Variants in SNTB1 observed in about 807,000 individuals in gnomAD.
SNTB1 encodes syntrophin beta 1.
In SNTB1, 36 loss-of-function variants were observed where a neutral mutation model predicts 48.9. The ratio of observed to expected loss-of-function variants is 0.74; its 90% CI spans 0.56 to 0.97. The LOEUF is 0.97. SNTB1 is among the 50% of genes least tolerant of loss of function. SNTB1 has a pLI of 0.00. For missense variants in SNTB1, 786 were observed against 703.4 expected (o/e 1.12, Z -1.33); for synonymous variants, 299 against 294.6 (o/e 1.01, Z -0.15).
chr8:120,548,443 C>T (rs1342478182), intron 5 of SNTB1, among the ~76,000 whole-genome samples: 1 of 152,102 alleles, frequency 6.6e-6, no homozygotes, highest in African/African-American at 2.4e-5. Flanking sequence ...TTGTTTGTAA[C>T]CAAGAGCACT....
At chr8:120,542,031 A>G (rs199618523) in intron 5 of SNTB1, 31 bp from the exon 6 acceptor site, 2 of 1,577,378 alleles carry the variant, frequency 1.3e-6, no homozygotes, top group East Asian at 4.5e-5. Flanking sequence ...AAAAGAGACA[A>G]GTATGAACCA....
rs971490349 is a variant in SNTB1 at position 120,796,635 on chromosome 8, T to C, written c.571+14638A>G. On this transcript the variant is annotated intron_variant, in intron 1 of 6. Transcript: ENST00000517992. ...GGGAAAGTGCTGATGAGGAGACTTATATTAAAGCTTCTTTTAGGGAAAGCA... is the reference window on the plus strand; with the variant it reads ...GGGAAAGTGCTGATGAGGAGACTTACATTAAAGCTTCTTTTAGGGAAAGCA... Among the ~76,000 whole-genome samples, 4 of 152,128 alleles carry C rather than the reference T, an allele frequency of 2.6e-5. No individual in the cohort carries two copies. The South Asian group carries it at 8.3e-4, about 32-fold the overall frequency.
At chr8:120,559,972 A>G (rs1815625918) in intron 4 of SNTB1, among the ~76,000 whole-genome samples, 1 of 152,068 alleles carries the variant, frequency 6.6e-6, no homozygotes, top group Non-Finnish European at 1.5e-5. Flanking sequence ...GATTGCTTAC[A>G]TGGTTCTGGC....
intron 5 of SNTB1, among the ~76,000 whole-genome samples, chr8:120,547,576 GAGCAAAA>G (rs1815404131): frequency 6.4e-5 from 7 of 109,874 alleles, no homozygotes; most frequent in Admixed American, 2.4e-4. Flanking sequence ...CAGGTGACAA[GAGCAAAA>G]CACTGTCTCA....
chr8:120,681,607 AC>A (rs112004342), intron 2 of SNTB1, among the ~76,000 whole-genome samples: 9,637 of 151,974 alleles, frequency 0.063, 992 homozygotes, highest in African/African-American at 0.22. Flanking sequence ...CCCACTATCT[AC>A]CCCCAATCCA....
At chr8:120,598,544 A>G (rs989727338) in intron 3 of SNTB1, among the ~76,000 whole-genome samples, 14 of 152,220 alleles carry the variant, frequency 9.2e-5, no homozygotes, top group African/African-American at 3.1e-4. Context: ...CTTAGAGTCT[A>G]GTGAGGGAGA....
At chr8:120,578,687 C>G (rs1815988685) in intron 3 of SNTB1, among the ~76,000 whole-genome samples, 1 of 152,164 alleles carries the variant, frequency 6.6e-6, no homozygotes, top group African/African-American at 2.4e-5. Flanking sequence ...CCTGTAATCA[C>G]TTCCACAGAG....
intron 2 of SNTB1, among the ~76,000 whole-genome samples, chr8:120,643,712 G>A (rs772494953): frequency 2.0e-5 from 3 of 152,142 alleles, no homozygotes; most frequent in Non-Finnish European, 4.4e-5. Flanking sequence ...TGTGAATTGT[G>A]TTGCTATAAA....
intron 1 of SNTB1, among the ~76,000 whole-genome samples, chr8:120,715,477 C>CA (rs1435473272): frequency 1.3e-5 from 2 of 152,042 alleles, no homozygotes; most frequent in African/African-American, 2.4e-5. Flanking sequence ...AGTTGTTTAT[C>CA]TGGGGAGCAT....
At chr8:120,601,906 CGGTAATAAA>C (rs1335846842) in intron 3 of SNTB1, among the ~76,000 whole-genome samples, 7 of 152,062 alleles carry the variant, frequency 4.6e-5, no homozygotes, top group Non-Finnish European at 8.8e-5. Flanking sequence ...TGGCTGTCTA[CGGTAATAAA>C]GGTGAGAGCC....
At chr8:120,646,424 A>G (rs1817298192) in intron 2 of SNTB1, among the ~76,000 whole-genome samples, 1 of 149,978 alleles carries the variant, frequency 6.7e-6, no homozygotes, top group African/African-American at 2.4e-5. Context: ...TGAGATAACC[A>G]TGTGGTTTTT....
chr8:120,564,668 A>G (rs975774475), intron 4 of SNTB1, among the ~76,000 whole-genome samples: 1 of 139,574 alleles, frequency 7.2e-6, no homozygotes, highest in Non-Finnish European at 1.5e-5. Flanking sequence ...TCCCAGGTTC[A>G]GGTGATTCTC....
Position 120,638,733 on chromosome 8 carries a change from A to G in SNTB1, c.789-6082T>C, listed in dbSNP as rs949083484. Among the ~76,000 whole-genome samples the G allele has an allele frequency of 1.8e-4, 27 of 151,840 alleles. 1 individual carries two copies. Among genetic ancestry groups the G allele is most frequent in the African/African-American group, 5.8e-4 (24 of 41,394 alleles). ...ATTCATGTCCCTACAAAGGACATGA[A>G]CTCATCTTTTTTATGGCTGCATAGT... On this transcript the variant is annotated intron_variant, in intron 2 of 6. Coordinates refer to ENST00000517992, the MANE Select transcript of SNTB1 (RefSeq NM_021021.4).
intron 2 of SNTB1, among the ~76,000 whole-genome samples, chr8:120,668,560 T>C (rs1273283238): frequency 1.3e-5 from 2 of 152,208 alleles, no homozygotes; most frequent in African/African-American, 2.4e-5. Context: ...AAGGTATTTA[T>C]TGGGCAGCTT....
chr8:120,696,936 T>C (rs1014911208), intron 1 of SNTB1, among the ~76,000 whole-genome samples: 2 of 152,096 alleles, frequency 1.3e-5, no homozygotes, highest in Admixed American at 6.5e-5. Context: ...TGGTGATCTG[T>C]GAGTGAGAGA....
chr8:120,591,513 G>C (rs899631198), intron 3 of SNTB1, among the ~76,000 whole-genome samples: 3 of 152,148 alleles, frequency 2.0e-5, no homozygotes, highest in African/African-American at 7.2e-5. Context: ...TAAAACTCTG[G>C]TTTTATACCT....
chr8:120,732,713 G>A (rs1275446245), intron 1 of SNTB1, among the ~76,000 whole-genome samples: 1 of 152,182 alleles, frequency 6.6e-6, no homozygotes, highest in African/African-American at 2.4e-5. Flanking sequence ...GGGCATGTTG[G>A]CGCATGCCTG....
intron 2 of SNTB1, among the ~76,000 whole-genome samples, chr8:120,668,765 A>G (rs1817714797): frequency 6.6e-6 from 1 of 152,240 alleles, no homozygotes; most frequent in South Asian, 2.1e-4. Context: ...GAACAGCTGG[A>G]GAAAATAAGA....
chr8:120,728,141 C>A lies in SNTB1; in HGVS notation c.572-34233G>T, dbSNP rs12542152. Among the ~76,000 whole-genome samples the A allele has an allele frequency of 5.0e-4, 76 of 151,978 alleles. 1 individual carries two copies. Among genetic ancestry groups the A allele is most frequent in the Admixed American group, 3.0e-3 (46 of 15,256 alleles). On this transcript the variant is annotated intron_variant, in intron 1 of 6. Coordinates refer to ENST00000517992, the MANE Select transcript of SNTB1 (RefSeq NM_021021.4). Reference sequence around the variant, plus strand: ...CCCAGGCTCAAGTGATTCTCCCACCCCAGCCTTCTGAGTAGCTGGGACTAC... The same window carrying A: ...CCCAGGCTCAAGTGATTCTCCCACCACAGCCTTCTGAGTAGCTGGGACTAC...
Sources: gnomAD v4.1 joint callset for allele counts (sites outside exome capture counted in the v4.1 genomes callset) on GRCh38, gnomAD v4.1.1 for gene constraint, MANE v1.5 for transcripts, NCBI Gene and HGNC (gene_info 2026-07-23, HGNC 2026-07-21) for gene names.